ELF2: variants seen among roughly 807,000 people sequenced by gnomAD.
The protein encoded by ELF2 is ETS-related transcription factor Elf-2.
In ELF2, 11 loss-of-function variants were observed where a neutral mutation model predicts 54.8. The observed-to-expected ratio is 0.20, with a 90% confidence interval of 0.13 to 0.33. ELF2 has a LOEUF of 0.33. Among genes scored for constraint, ELF2 ranks in the 10% least tolerant of loss-of-function variants. ELF2 has a pLI of 1.00. For missense variants in ELF2, 513 were observed against 703.0 expected, an observed-to-expected ratio of 0.73 and a Z score of 3.06; for synonymous variants, 203 against 245.1, an observed-to-expected ratio of 0.83 and a Z score of 1.61.
intron 5 of ELF2, chr4:139,072,305 T>G (rs1446501357): frequency 9.9e-6 from 3 of 302,746 alleles, no homozygotes; most frequent in Non-Finnish European, 1.8e-5. Context: ...TCTTTCACAC[T>G]TATACTTTCA....
Position 139,137,728 on chromosome 4 carries a change from G to A in ELF2, c.-27C>T, listed in dbSNP as rs1560855444. 5 of 1,612,570 alleles carry A rather than the reference G, an allele frequency of 3.1e-6. No individual in the cohort carries two copies. Among genetic ancestry groups the A allele is most frequent in the Non-Finnish European group, 4.2e-6 (5 of 1,179,684 alleles). Reference sequence around the variant, plus strand: ...GTTATTCCCTGAGGAAGCTTCAAACGCTATTAATCAATGAAATTAAAGGTT... The same window carrying A: ...GTTATTCCCTGAGGAAGCTTCAAACACTATTAATCAATGAAATTAAAGGTT... On this transcript the variant is annotated 5_prime_UTR_variant, in exon 3 of 10. Coordinates refer to ENST00000686138, the MANE Select transcript of ELF2 (RefSeq NM_001331036.3).
intron 1 of ELF2, among the ~76,000 whole-genome samples, chr4:139,159,327 A>T (rs1464397334): frequency 6.6e-6 from 1 of 152,230 alleles, no homozygotes; most frequent in African/African-American, 2.4e-5. Flanking sequence ...AGACGTTTTA[A>T]GAGATGGGCT....
At chr4:139,156,787 C>A (rs1035165387) in intron 1 of ELF2, among the ~76,000 whole-genome samples, 1 of 151,976 alleles carries the variant, frequency 6.6e-6, no homozygotes, top group Non-Finnish European at 1.5e-5. Context: ...CAGGCACATA[C>A]CATGCCCAGC....
chr4:139,119,056 C>T (rs923894510), intron 4 of ELF2, among the ~76,000 whole-genome samples: 16 of 152,248 alleles, frequency 1.1e-4, no homozygotes, highest in Admixed American at 7.8e-4. Context: ...CAGAAATAGT[C>T]GCCCAGGATT....
chr4:139,074,109 CAG>C lies in ELF2; in HGVS notation c.239-544_239-543del, dbSNP rs563973521. Reference sequence around the variant, plus strand: ...CACCACTGCGCTCCAGCCTGGGCGACAGAGTGAGACTCTGTCTCAAAACAACA... The same window carrying C: ...CACCACTGCGCTCCAGCCTGGGCGACAGTGAGACTCTGTCTCAAAACAACA... On this transcript the variant is annotated intron_variant, in intron 4 of 9. Transcript: ENST00000686138. Among the ~76,000 whole-genome samples, 471 of 152,244 alleles carry C rather than the reference CAG, an allele frequency of 3.1e-3. 6 individuals are homozygous for C. The highest frequency in any genetic ancestry group is 0.011 in the African/African-American group (452 of 41,536).
intron 1 of ELF2, among the ~76,000 whole-genome samples, chr4:139,164,765 T>C (rs993332291): frequency 2.0e-5 from 3 of 152,208 alleles, no homozygotes; most frequent in African/African-American, 7.2e-5. Context: ...TTTCTTTAAG[T>C]TTTTAAACAT....
intron 6 of ELF2, among the ~76,000 whole-genome samples, chr4:139,069,617 A>G (rs1381900592): frequency 6.7e-6 from 1 of 149,974 alleles, no homozygotes; most frequent in African/African-American, 2.5e-5. Context: ...TTCTATAGTC[A>G]TATTAACTTT....
intron 4 of ELF2, among the ~76,000 whole-genome samples, chr4:139,078,574 CTT>C (rs35529764): frequency 1.5e-3 from 200 of 135,394 alleles, no homozygotes; most frequent in Non-Finnish European, 1.3e-3. Context: ...AATGGCAATT[CTT>C]TTTTTTTTTT....
rs771117788 is a variant in ELF2, at chr4:139,060,595, T to C, written c.886A>G (p.Ile296Val). 14 of 1,613,944 alleles carry C rather than the reference T, an allele frequency of 8.7e-6. No individual in the cohort carries two copies. The highest frequency in any genetic ancestry group is 1.1e-5 in the Non-Finnish European group (13 of 1,180,042). The stretch of plus-strand genomic sequence containing the variant: ...CTTTTGTCATCATCTATGACCACTA[T>C]GTTTTTCGGCATATCCTTGAACTGA... The part of the protein sequence containing the change: ...VYQFKDMPKN[I>V]VVIDDDKSET... Residue 296 changes from isoleucine (I) to valine (V), a missense_variant, in exon 9 of 10, where the codon ATA becomes GTA. By Grantham distance (29) the Ile-to-Val change is conservative. This residue lies in a region of ELF2 where 291 missense variants were observed against 366.1 expected (regional missense o/e 0.79). Transcript: ENST00000686138.
At chr4:139,122,496 T>TTTTTGTCTTG (rs1736476239) in intron 4 of ELF2, among the ~76,000 whole-genome samples, 1 of 150,490 alleles carries the variant, frequency 6.6e-6, no homozygotes, top group Non-Finnish European at 1.5e-5. Context: ...CTTTTTTTAG[T>TTTTTGTCTTG]TTTTGTTTTG....
intron 1 of ELF2, among the ~76,000 whole-genome samples, chr4:139,171,626 C>G (rs747737401): frequency 1.9e-4 from 28 of 150,114 alleles, no homozygotes; most frequent in Non-Finnish European, 3.9e-4. Context: ...AAAAACACAA[C>G]AAATTAACAA....
At chr4:139,132,984 C>T (rs1370001798) in intron 3 of ELF2, among the ~76,000 whole-genome samples, 1 of 151,448 alleles carries the variant, frequency 6.6e-6, no homozygotes, top group Admixed American at 6.6e-5. Context: ...CTCCGCCTCC[C>T]CCAATCTCGG....
chr4:139,152,164 T>C (rs1740065808), intron 1 of ELF2, among the ~76,000 whole-genome samples: 1 of 152,176 alleles, frequency 6.6e-6, no homozygotes, highest in Non-Finnish European at 1.5e-5. Context: ...ATAGTATAAA[T>C]TTGCCACTCA....
At position 139,171,155 on chromosome 4, in the gene ELF2, A is replaced by G. The variant is rs1368540635; in HGVS notation, c.-252+5812T>C. Among the ~76,000 whole-genome samples, 8 of 152,302 alleles carry G rather than the reference A, an allele frequency of 5.3e-5. No individual in the cohort carries two copies. The East Asian group carries it at 1.2e-3, about 22-fold the overall frequency. ...GTAATCCCAGCACTTTGGCAGGCCA[A>G]CGCAGGAGGATTGCTTGAGCCCAGG... On this transcript the variant is annotated intron_variant, in intron 1 of 9. Transcript: ENST00000686138.
At chr4:139,149,216 T>G (rs761726704) in intron 1 of ELF2, among the ~76,000 whole-genome samples, 1 of 152,156 alleles carries the variant, frequency 6.6e-6, no homozygotes, top group African/African-American at 2.4e-5. Context: ...TCTTCAGATA[T>G]TAGAAGAAAA....
chr4:139,164,126 GAGAAAGAGAAAGAAGAGAGAGAA>G (rs542010885), intron 1 of ELF2, among the ~76,000 whole-genome samples: 35 of 146,432 alleles, frequency 2.4e-4, no homozygotes, highest in Non-Finnish European at 3.8e-4. Flanking sequence ...AAGGGAGAGA[GAGAAAGAGAAAGAAGAGAGAGAA>G]AGAAAGAAAG....
intron 2 of ELF2, among the ~76,000 whole-genome samples, 156 bp from the exon 3 acceptor site, chr4:139,138,023 T>C (rs955347756): frequency 1.3e-5 from 2 of 152,238 alleles, no homozygotes; most frequent in African/African-American, 4.8e-5. Flanking sequence ...ATGAACATTC[T>C]GCTTCTTAAG....
At chr4:139,122,069 T>C (rs1445503166) in intron 4 of ELF2, among the ~76,000 whole-genome samples, 5 of 152,188 alleles carry the variant, frequency 3.3e-5, no homozygotes, top group Non-Finnish European at 5.9e-5. Flanking sequence ...ATATGGGTAT[T>C]TAGGAATAAA....
Position 139,159,627 on chromosome 4 carries a change from C to A in ELF2, c.-252+17340G>T, listed in dbSNP as rs766346339. Among the ~76,000 whole-genome samples the A allele has an allele frequency of 7.2e-4, 109 of 152,212 alleles. 2 individuals are homozygous for A. The highest frequency in any genetic ancestry group is 1.5e-4 in the Non-Finnish European group (10 of 68,042). ...TTTTGATGGCTGCTTTTTTAGCTAC[C>A]TTATCAGCATAAGCATTGTCCTGAA... On this transcript the variant is annotated intron_variant, in intron 1 of 9. Coordinates refer to ENST00000686138, the MANE Select transcript of ELF2 (RefSeq NM_001331036.3).
Sources: allele counts gnomAD v4.1 joint callset (sites outside exome capture counted in the v4.1 genomes callset), GRCh38; gene constraint gnomAD v4.1.1; regional missense constraint gnomAD v4.1.1; transcripts MANE v1.5; gene names NCBI Gene and HGNC (gene_info 2026-07-23, HGNC 2026-07-21).